The following FBXL18 variants were observed in gnomAD, a reference collection of about 807,000 sequenced individuals.
The protein encoded by FBXL18 is F-box and leucine rich repeat protein 18, also known as F-box/LRR-repeat protein 18.
A neutral mutation model predicts 46.0 loss-of-function variants in FBXL18; 36 were observed. That is an observed-to-expected ratio of 0.78 (90% CI 0.60 to 1.03). FBXL18 has a LOEUF of 1.03. FBXL18 is among the 50% of genes least tolerant of loss of function. The pLI is 0.00. For synonymous variants in FBXL18, 557 were observed against 465.3 expected (o/e 1.20, Z -2.54); for missense variants, 977 against 1,004.1 (o/e 0.97, Z 0.36).
chr7:5,497,672 G>A (rs904426948), intron 3 of FBXL18, among the ~76,000 whole-genome samples: 1 of 152,306 alleles, frequency 6.6e-6, no homozygotes. Context: ...TTTACAAGGG[G>A]CGCCCTTATC....
At chr7:5,464,626 GAA>G (rs1783314272) in intron 4 of FBXL18, among the ~76,000 whole-genome samples, 1 of 113,790 alleles carries the variant, frequency 8.8e-6, no homozygotes, top group Admixed American at 1.3e-4. Context: ...TGACACCACT[GAA>G]CTCTAGCCTG....
At chr7:5,468,226 G>A (rs879816244) in intron 4 of FBXL18, among the ~76,000 whole-genome samples, 9 of 151,986 alleles carry the variant, frequency 5.9e-5, no homozygotes, top group Non-Finnish European at 8.8e-5. Flanking sequence ...CTCGTGATCC[G>A]CCCGCCTCGG....
chr7:5,486,179 A>G (rs994131566), intron 4 of FBXL18, among the ~76,000 whole-genome samples: 12 of 150,230 alleles, frequency 8.0e-5, no homozygotes, highest in African/African-American at 2.9e-4. Flanking sequence ...TGAACCTGGA[A>G]GGCAGAGGTT....
chr7:5,510,612 G>A (rs111640190), intron 1 of FBXL18, among the ~76,000 whole-genome samples: 198 of 151,134 alleles, frequency 1.3e-3, no homozygotes, highest in Middle Eastern at 6.8e-3. Context: ...CCTGAACCCG[G>A]GAAGTGGTGG....
Position 5,491,407 on chromosome 7 carries a change from C to G in FBXL18, c.1824G>C (p.Gln608His), listed in dbSNP as rs1211370494. The change falls in exon 4 of 5, where the codon CAG becomes CAC. Residue 608 changes from glutamine (Q) to histidine (H), a missense_variant. Physicochemically the swap from Gln to His is conservative, Grantham distance 24. Coordinates refer to ENST00000382368, the MANE Select transcript of FBXL18 (RefSeq NM_024963.6). ...PYFSANAQFF[Q>H]ALSQCPSLQR... ...GCAGCGAGGGGCACTGGCTCAGCGC[C>G]TGGAAGAACTGGGCGTTGGCGCTGA... 1.2e-6 allele frequency: 2 copies of G among 1,602,532 alleles called. No individual in the cohort carries two copies. Among genetic ancestry groups the G allele is most frequent in the East Asian group, 4.5e-5 (2 of 44,580 alleles).
intron 2 of FBXL18, among the ~76,000 whole-genome samples, chr7:5,503,252 C>T (rs564288157): frequency 2.6e-4 from 40 of 152,294 alleles, no homozygotes; most frequent in Middle Eastern, 6.8e-3. Flanking sequence ...GGCGTAGTGG[C>T]GCACACCTGT....
chr7:5,499,825 C>G (rs1052440867), intron 3 of FBXL18, among the ~76,000 whole-genome samples: 2 of 151,332 alleles, frequency 1.3e-5, no homozygotes, highest in Admixed American at 1.3e-4. Flanking sequence ...TTTGGGAGGC[C>G]GAGATGGAGG....
intron 4 of FBXL18, among the ~76,000 whole-genome samples, chr7:5,462,068 C>T (rs1225423454): frequency 6.6e-6 from 1 of 151,920 alleles, no homozygotes; most frequent in African/African-American, 2.4e-5. Flanking sequence ...AGTGAAGCCC[C>T]GTCTACTAAA....
At chr7:5,490,212 C>T in intron 4 of FBXL18, 1 of 1,338,394 alleles carries the variant, frequency 7.5e-7, no homozygotes, top group South Asian at 1.2e-5. Context: ...CCTCTCCCCA[C>T]CTGCAGGGAC....
At chr7:5,491,530 G>C in intron 3 of FBXL18, 81 bp from the exon 4 acceptor site, 1 of 1,234,144 alleles carries the variant, frequency 8.1e-7, no homozygotes, top group Non-Finnish European at 1.1e-6. Flanking sequence ...GGTGCTGCCA[G>C]TGGAAGCTTC....
intron 1 of FBXL18, among the ~76,000 whole-genome samples, chr7:5,510,225 C>A (rs1784494746): frequency 6.7e-6 from 1 of 149,618 alleles, no homozygotes; most frequent in African/African-American, 2.5e-5. Context: ...ATTGCTTGAA[C>A]CGAGGAGGTG....
In FBXL18 at chr7:5,480,834, T is replaced by C. The variant is rs1783627025; in HGVS notation, c.*941A>G. 1 of 152,104 alleles carries C rather than the reference T, an allele frequency of 6.6e-6. No homozygotes were observed. The highest frequency in any genetic ancestry group is 1.5e-5 in the Non-Finnish European group (1 of 68,042). 9.4% of individuals were successfully genotyped at this position (152,104 alleles called of 1,614,324 possible). A position where few individuals can be genotyped will look rare whatever the true frequency, so the allele number is the denominator to read the frequency against. On this transcript the variant is annotated 3_prime_UTR_variant, in exon 5 of 5. Coordinates refer to ENST00000382368, the MANE Select transcript of FBXL18 (RefSeq NM_024963.6). ...ACCTCAGCCTCCCAAAGTGCCGGGATTACAGGCGTGAGCCATCGCGCCCAG... is the reference window on the plus strand; with the variant it reads ...ACCTCAGCCTCCCAAAGTGCCGGGACTACAGGCGTGAGCCATCGCGCCCAG...
chr7:5,504,336 A>G (rs112640000), intron 2 of FBXL18, among the ~76,000 whole-genome samples: 2,298 of 150,904 alleles, frequency 0.015, 69 homozygotes, highest in African/African-American at 0.053. Context: ...AGGCTGACCC[A>G]GGAGAATCAT....
In FBXL18 at chr7:5,496,690, C is replaced by T. The variant is rs906103520; in HGVS notation, c.1781+3798G>A. ...TGAGCCCAGGAGTTCAAGACCAGCC[C>T]GGGCAACACAGCAAGACCCCGTCTC... is the stretch of plus-strand genomic sequence containing the variant. On this transcript the variant is annotated intron_variant, in intron 3 of 4. Coordinates refer to ENST00000382368, the MANE Select transcript of FBXL18 (RefSeq NM_024963.6). The surrounding 1 kb of genome is among the most constrained non-coding windows in gnomAD (Gnocchi z 4.8). 2.0e-5 allele frequency among the ~76,000 whole-genome samples: 3 copies of T among 151,930 alleles called. No individual in the cohort carries two copies. The highest frequency in any genetic ancestry group is 7.3e-5 in the African/African-American group (3 of 41,364).
intron 1 of FBXL18, among the ~76,000 whole-genome samples, chr7:5,506,038 T>G (rs1029284297): frequency 6.6e-6 from 1 of 151,972 alleles, no homozygotes; most frequent in African/African-American, 2.4e-5. Flanking sequence ...CTAATTTTTT[T>G]GGTTTTTTGT....
At position 5,501,214 on chromosome 7, in the gene FBXL18, C is replaced by T. The variant is rs1343200569; in HGVS notation, c.1055G>A (p.Gly352Asp). 6.2e-7 allele frequency: 1 copy of T among 1,613,206 alleles called. No individual in the cohort carries two copies. Among genetic ancestry groups the T allele is most frequent in the Non-Finnish European group, 8.5e-7 (1 of 1,179,692 alleles). ...GTCTGGGGACAGGCAGTGGACGCAG[C>T]CGCTGAGGTTCAAGCTGGCCAGGCT... ...LRSLASLNLS[G>D]CVHCLSPDSL... Residue 352 changes from glycine to aspartate, a missense_variant, in exon 3 of 5, where the codon GGC (glycine) becomes GAC (aspartate). Physicochemically the swap from Gly to Asp is moderately conservative, Grantham distance 94. Transcript: ENST00000382368.
Position 5,501,129 on chromosome 7 carries a change from C to T in FBXL18, c.1140G>A (p.Ala380=), listed in dbSNP as rs764846426. 6.2e-7 allele frequency: 1 copy of T among 1,612,566 alleles called. No homozygotes were observed. Among genetic ancestry groups the T allele is most frequent in the South Asian group, 1.1e-5 (1 of 91,058 alleles). Residue 380 remains alanine, a synonymous_variant, in exon 3 of 5, where the codon GCG becomes GCA. Transcript: ENST00000382368. ...TCAGGTGGCGCAGGTTGCAGCAGGA[C>T]GCCACCAGAGTCTCCAGGATGCTGC... The part of the protein sequence containing the change: ...IDSSILETLV[A]SCCNLRHLNL...
At chr7:5,509,701 C>CAAAAAAAAAAAAAAAAA (rs761762119) in intron 1 of FBXL18, among the ~76,000 whole-genome samples, 5 of 65,490 alleles carry the variant, frequency 7.6e-5, no homozygotes, top group Non-Finnish European at 1.6e-4. Flanking sequence ...GATTCCATCT[C>CAAAAAAAAAAAAAAAAA]AAAAAAAAAA....
chr7:5,482,057 A>G (rs1315573432), intron 4 of FBXL18, 126 bp from the exon 5 acceptor site: 55 of 1,138,678 alleles, frequency 4.8e-5, no homozygotes, highest in Non-Finnish European at 6.4e-5. Context: ...GCTCCCAGAC[A>G]GACCATGCCT....
Sources: gnomAD v4.1 joint callset for allele counts (sites outside exome capture counted in the v4.1 genomes callset) on GRCh38, gnomAD v4.1.1 for gene constraint, Gnocchi (gnomAD v3.1) non-coding constraint, MANE v1.5 for transcripts, NCBI Gene and HGNC (gene_info 2026-07-23, HGNC 2026-07-21) for gene names.